Variants in PCDHA3 observed in about 807,000 individuals in gnomAD.
PCDHA3 encodes protocadherin alpha-3.
In PCDHA3, 41 loss-of-function variants were observed where a neutral mutation model predicts 62.2. That is an observed-to-expected ratio of 0.66 (90% confidence interval 0.51 to 0.86). The LOEUF is 0.86. Ranked by LOEUF, PCDHA3 falls within the 40% of genes least tolerant of loss-of-function variation. PCDHA3 has a pLI of 0.00. For missense variants in PCDHA3, 1,304 were observed against 1,241.2 expected, an observed-to-expected ratio of 1.05 and a Z score of -0.76; for synonymous variants, 640 against 555.4, an observed-to-expected ratio of 1.15 and a Z score of -2.14.
chr5:140,810,807 C>CT (rs1385124401), intron 1 of PCDHA3: 5 of 151,708 alleles, frequency 3.3e-5, no homozygotes, highest in African/African-American at 4.8e-5. Context: ...GTTTTTAATT[C>CT]TTTTTTGTCT....
intron 1 of PCDHA3, among the ~76,000 whole-genome samples, chr5:140,962,930 C>T (rs2095720492): frequency 6.6e-6 from 1 of 152,144 alleles, no homozygotes; most frequent in Admixed American, 6.5e-5. Context: ...TACTTCTCAA[C>T]CTCCTCTCCA....
At chr5:140,918,562 A>G (rs536690328) in intron 1 of PCDHA3, among the ~76,000 whole-genome samples, 17 of 152,330 alleles carry the variant, frequency 1.1e-4, no homozygotes, top group African/African-American at 3.4e-4. Context: ...AGAAGAATGT[A>G]TATTATGCTG....
chr5:140,857,164 C>T, intron 1 of PCDHA3: 1 of 1,598,342 alleles, frequency 6.3e-7, no homozygotes, highest in Non-Finnish European at 8.6e-7. Context: ...CCCTAATCAG[C>T]GTTTCTGACC....
intron 1 of PCDHA3, among the ~76,000 whole-genome samples, chr5:140,833,579 G>A (rs1397865134): frequency 6.6e-6 from 1 of 152,168 alleles, no homozygotes; most frequent in East Asian, 1.9e-4. Context: ...ATGAACTCCT[G>A]AAACAGTATA....
chr5:140,897,629 T>A (rs2066228656), intron 1 of PCDHA3, among the ~76,000 whole-genome samples: 1 of 152,116 alleles, frequency 6.6e-6, no homozygotes, highest in Non-Finnish European at 1.5e-5. Context: ...TACTATTGTG[T>A]ATAGTGCCAC....
At chr5:140,932,880 AT>A (rs1219080024) in intron 1 of PCDHA3, among the ~76,000 whole-genome samples, 2 of 151,952 alleles carry the variant, frequency 1.3e-5, no homozygotes, top group Non-Finnish European at 2.9e-5. Context: ...TGTCTTCAAT[AT>A]TTTCAGTTAG....
rs782616860 is a variant in PCDHA3 at position 140,807,923 on chromosome 5, A to G, written c.2394+4332A>G. On this transcript the variant is annotated intron_variant, in intron 1 of 3. Transcript: ENST00000522353. ...CAATGCCCCAGCTTTTGACAGAACC[A>G]TTTATAAGGTGAGATTACTAGAAAA... is the stretch of plus-strand genomic sequence containing the variant. The G allele has an allele frequency of 5.6e-6, 9 of 1,614,144 alleles. No individual in the cohort carries two copies. Among genetic ancestry groups the G allele is most frequent in the African/African-American group, 1.3e-5 (1 of 75,050 alleles).
chr5:140,862,831 G>A (rs782083560), intron 1 of PCDHA3: 2 of 572,766 alleles, frequency 3.5e-6, no homozygotes, highest in Admixed American at 1.9e-5. Context: ...AGCGCGCGAC[G>A]CGGGCATGCC....
At position 140,801,075 on chromosome 5, in the gene PCDHA3, G is replaced by A; in HGVS notation, c.-123G>A. On this transcript the variant is annotated 5_prime_UTR_variant, in exon 1 of 4. Transcript: ENST00000522353. ...AGCGTGCATTACGTATTCAGATACT[G>A]CTTTGCTTCATCCTCTCTAAAATTT... 1 of 1,474,092 alleles carries A rather than the reference G, an allele frequency of 6.8e-7. No homozygotes were observed. The highest frequency in any genetic ancestry group is 8.9e-7 in the Non-Finnish European group (1 of 1,119,160). 91.3% of individuals were successfully genotyped at this position (1,474,092 alleles called of 1,614,324 possible). A position where few individuals can be genotyped will look rare whatever the true frequency, so the allele number is the denominator to read the frequency against.
intron 1 of PCDHA3, chr5:140,814,732 A>C (rs1021205164): frequency 6.6e-6 from 1 of 152,210 alleles, no homozygotes; most frequent in Non-Finnish European, 1.5e-5. Flanking sequence ...TTTCAGCTCC[A>C]TTATAATCTT....
chr5:140,886,062 C>T (rs925772414), intron 1 of PCDHA3, among the ~76,000 whole-genome samples: 10 of 152,172 alleles, frequency 6.6e-5, no homozygotes, highest in Non-Finnish European at 1.2e-4. Context: ...CTTACAAAAG[C>T]GTAGGGCCAT....
intron 1 of PCDHA3, chr5:140,848,396 G>A: frequency 7.8e-7 from 1 of 1,284,596 alleles, no homozygotes; most frequent in Non-Finnish European, 1.1e-6. Flanking sequence ...TCTCTGTGCT[G>A]AACGATGGCG....
intron 1 of PCDHA3, chr5:140,870,954 G>T (rs1202889647): frequency 1.9e-6 from 3 of 1,613,514 alleles, no homozygotes; most frequent in African/African-American, 1.3e-5. Context: ...CGGGCGGCTC[G>T]CGCATCCCGT....
chr5:140,878,848 G>T (rs1477391344), intron 1 of PCDHA3, among the ~76,000 whole-genome samples: 1 of 152,138 alleles, frequency 6.6e-6, no homozygotes, highest in Non-Finnish European at 1.5e-5. Context: ...GAACTTCTGG[G>T]TTCAACTGAT....
chr5:140,927,306 G>T (rs782091835), intron 1 of PCDHA3: 10 of 1,614,040 alleles, frequency 6.2e-6, no homozygotes, highest in Non-Finnish European at 5.9e-6. Context: ...AGTTCCTGAC[G>T]CCCGGAGCCC....
intron 1 of PCDHA3, chr5:140,834,550 T>C (rs1773085767): frequency 6.2e-7 from 1 of 1,613,956 alleles, no homozygotes; most frequent in South Asian, 1.1e-5. Flanking sequence ...GGGCTGGAGC[T>C]GGCGGAGCTG....
chr5:140,822,292 C>T, intron 1 of PCDHA3: 1 of 1,614,190 alleles, frequency 6.2e-7, no homozygotes. Context: ...CAGGTTAAAT[C>T]CAAACGAATA....
At chr5:140,877,403 G>A (rs199806507) in intron 1 of PCDHA3, 243 of 1,613,770 alleles carry the variant, frequency 1.5e-4, no homozygotes, top group Non-Finnish European at 1.9e-4. Flanking sequence ...GACGCTCCGC[G>A]CCACCGCCTG....
At chr5:140,922,715 G>A (rs1221596173) in intron 1 of PCDHA3, among the ~76,000 whole-genome samples, 1 of 152,038 alleles carries the variant, frequency 6.6e-6, no homozygotes, top group East Asian at 1.9e-4. Flanking sequence ...AGAACAAAAA[G>A]AAACACTTGA....
Sources: allele counts gnomAD v4.1 joint callset (sites outside exome capture counted in the v4.1 genomes callset), GRCh38; gene constraint gnomAD v4.1.1; transcripts MANE v1.5; gene names NCBI Gene and HGNC (gene_info 2026-07-23, HGNC 2026-07-21).